PSPC1: variants seen among roughly 807,000 people sequenced by gnomAD.
The protein encoded by PSPC1 is paraspeckle protein 1.
PSPC1 carries 14 observed loss-of-function variants against 51.6 expected under a neutral mutation model. That is an observed-to-expected ratio of 0.27 (90% CI 0.18 to 0.42). The LOEUF (loss-of-function observed/expected upper bound fraction) is 0.42, where lower values mean the gene tolerates loss of function less well. Among genes scored for constraint, PSPC1 ranks in the 10% least tolerant of loss-of-function variants. PSPC1 has a pLI of 1.00. For missense variants in PSPC1, 406 were observed against 701.1 expected, an observed-to-expected ratio of 0.58 and a Z score of 4.75; for synonymous variants, 193 against 231.9, an observed-to-expected ratio of 0.83 and a Z score of 1.53.
At chr13:19,765,543 A>G (rs116233573) in intron 2 of PSPC1, among the ~76,000 whole-genome samples, 1 of 147,588 alleles carries the variant, frequency 6.8e-6, no homozygotes, top group Non-Finnish European at 1.5e-5. Flanking sequence ...GACGTTGCTC[A>G]GGCTAGTCTC....
intron 6 of PSPC1, among the ~76,000 whole-genome samples, chr13:19,722,910 G>A (rs1430038541): frequency 6.6e-6 from 1 of 152,154 alleles, no homozygotes; most frequent in South Asian, 2.1e-4. Context: ...AAGAGTTCAA[G>A]AGCAGCCTGG....
intron 2 of PSPC1, among the ~76,000 whole-genome samples, chr13:19,764,713 A>G (rs1434487060): frequency 7.4e-6 from 1 of 135,396 alleles, no homozygotes; most frequent in Non-Finnish European, 1.6e-5. Context: ...GTGGCTTAAA[A>G]GATAATGCAA....
chr13:19,776,138 G>A (rs1421590967), intron 1 of PSPC1, among the ~76,000 whole-genome samples: 1 of 152,108 alleles, frequency 6.6e-6, no homozygotes, highest in African/African-American at 2.4e-5. Context: ...AGGGGTTTGA[G>A]TTAAACAGAC....
intron 2 of PSPC1, among the ~76,000 whole-genome samples, chr13:19,764,315 T>C (rs1382662873): frequency 2.6e-5 from 4 of 152,100 alleles, no homozygotes; most frequent in Admixed American, 6.6e-5. Flanking sequence ...AGATATCCAA[T>C]GTACTCAATG....
intron 6 of PSPC1, among the ~76,000 whole-genome samples, chr13:19,728,344 T>G (rs1342274976): frequency 6.6e-6 from 1 of 152,030 alleles, no homozygotes; most frequent in African/African-American, 2.4e-5. Flanking sequence ...TACTCATTAC[T>G]TGGACAAGTT....
intron 1 of PSPC1, among the ~76,000 whole-genome samples, chr13:19,774,805 C>CAAAAA (rs748014285): frequency 3.6e-5 from 2 of 56,160 alleles, no homozygotes; most frequent in East Asian, 3.7e-4. Flanking sequence ...ACTCTGTGTC[C>CAAAAA]AAAAAAAAAA....
intron 3 of PSPC1, among the ~76,000 whole-genome samples, chr13:19,753,363 G>C (rs1296615374): frequency 6.6e-6 from 1 of 150,766 alleles, no homozygotes; most frequent in African/African-American, 2.4e-5. Context: ...AGGCTACAGA[G>C]CACCTAGAAC....
chr13:19,775,204 T>G (rs1237367514), intron 1 of PSPC1, among the ~76,000 whole-genome samples: 1 of 151,394 alleles, frequency 6.6e-6, no homozygotes, highest in African/African-American at 2.4e-5. Flanking sequence ...AAAACAAAAA[T>G]TAGCCAGGCA....
rs1268025180 is a variant in PSPC1 at position 19,782,128 on chromosome 13, C to T, written c.372+258G>A. ...CAGCGCAGGGCAGCAGGCCTGCAGCCACCGCAAAGCACGATCGGCGCACGG... is the reference window on the plus strand; with the variant it reads ...CAGCGCAGGGCAGCAGGCCTGCAGCTACCGCAAAGCACGATCGGCGCACGG... On this transcript the variant is annotated intron_variant, in intron 1 of 8. Coordinates refer to ENST00000338910, the MANE Select transcript of PSPC1 (RefSeq NM_001354909.2). The surrounding 1 kb of genome is among the most constrained non-coding windows in gnomAD (Gnocchi z 4.5). Among the ~76,000 whole-genome samples the T allele has an allele frequency of 1.3e-5, 2 of 152,238 alleles. No homozygotes were observed. The highest frequency in any genetic ancestry group is 2.9e-5 in the Non-Finnish European group (2 of 68,046).
At chr13:19,692,062 T>C (rs1878636891) in intron 6 of PSPC1, among the ~76,000 whole-genome samples, 1 of 152,142 alleles carries the variant, frequency 6.6e-6, no homozygotes, top group Non-Finnish European at 1.5e-5. Context: ...GTAGTTGTGA[T>C]TTAATTCAGA....
chr13:19,716,982 G>A (rs569267228), intron 6 of PSPC1, among the ~76,000 whole-genome samples: 30 of 151,962 alleles, frequency 2.0e-4, no homozygotes, highest in African/African-American at 6.8e-4. Flanking sequence ...CTGAGGTCAG[G>A]GGATCGAGAC....
At chr13:19,773,996 G>A (rs1022317093) in intron 1 of PSPC1, among the ~76,000 whole-genome samples, 1 of 151,982 alleles carries the variant, frequency 6.6e-6, no homozygotes. Context: ...TACTGGCATG[G>A]GTTACACATT....
chr13:19,755,181 A>G (rs1886946551), intron 3 of PSPC1, among the ~76,000 whole-genome samples: 1 of 151,964 alleles, frequency 6.6e-6, no homozygotes, highest in Non-Finnish European at 1.5e-5. Context: ...GGCTGCAGTG[A>G]GCCATGACCA....
chr13:19,671,927 CTTT>C (rs1876154001), downstream of PSPC1: 1 of 1,562,768 alleles, frequency 6.4e-7, no homozygotes, highest in Admixed American at 1.7e-5. Flanking sequence ...CCTATACTCT[CTTT>C]GACAGCAGTT....
At chr13:19,749,677 C>T (rs1288742080) in intron 4 of PSPC1, among the ~76,000 whole-genome samples, 3 of 139,452 alleles carry the variant, frequency 2.2e-5, no homozygotes, top group African/African-American at 5.3e-5. Context: ...CTCTGTCTGT[C>T]GCCCAGGCTG....
chr13:19,747,539 C>G (rs1266149766), intron 4 of PSPC1, among the ~76,000 whole-genome samples: 1 of 152,140 alleles, frequency 6.6e-6, no homozygotes, highest in Non-Finnish European at 1.5e-5. Context: ...CACTGTGTTA[C>G]TGAGGTTAGT....
At chr13:19,684,352 T>G (rs1246413052) in intron 6 of PSPC1, among the ~76,000 whole-genome samples, 1 of 152,242 alleles carries the variant, frequency 6.6e-6, no homozygotes, top group Non-Finnish European at 1.5e-5. Context: ...GAAATTATTA[T>G]GAACTTACCT....
downstream of PSPC1, chr13:19,671,393 C>G (rs1439454592): frequency 2.0e-6 from 2 of 985,848 alleles, no homozygotes; most frequent in Non-Finnish European, 3.1e-6. Context: ...TGTACCTGTC[C>G]TAGAGACAGG....
At chr13:19,700,147 T>C (rs1376306484), downstream of PSPC1, among the ~76,000 whole-genome samples, 5 of 152,092 alleles carry the variant, frequency 3.3e-5, no homozygotes, top group Admixed American at 6.5e-5. Flanking sequence ...CTAATCCCCA[T>C]TTACTAATTA....
Sources: allele counts gnomAD v4.1 joint callset (sites outside exome capture counted in the v4.1 genomes callset), GRCh38; gene constraint gnomAD v4.1.1; non-coding constraint Gnocchi (gnomAD v3.1); transcripts MANE v1.5; gene names NCBI Gene and HGNC (gene_info 2026-07-23, HGNC 2026-07-21).